PGPEP1: variants seen among roughly 807,000 people sequenced by gnomAD.
The protein encoded by PGPEP1 is pyroglutamyl-peptidase 1.
In PGPEP1, 15 loss-of-function variants were observed where a neutral mutation model predicts 24.1. The ratio of observed to expected loss-of-function variants is 0.62; its 90% CI spans 0.42 to 0.96. PGPEP1 has a LOEUF of 0.96. Among genes scored for constraint, PGPEP1 ranks in the 40% least tolerant of loss-of-function variants. PGPEP1 has a pLI of 0.00. For missense variants in PGPEP1, 242 were observed against 273.4 expected (o/e 0.89, Z 0.81); for synonymous variants, 122 against 116.4 (o/e 1.05, Z -0.31).
chr19:18,347,840 G>A (rs969492684), intron 2 of PGPEP1, among the ~76,000 whole-genome samples: 5 of 151,852 alleles, frequency 3.3e-5, no homozygotes, highest in East Asian at 1.9e-4. Flanking sequence ...CACCATATTG[G>A]TCAGGCTGGT....
At chr19:18,363,095 C>T (rs958918559) in intron 4 of PGPEP1, among the ~76,000 whole-genome samples, 14 of 148,776 alleles carry the variant, frequency 9.4e-5, no homozygotes, top group African/African-American at 3.5e-4. Context: ...CTCACTCTCT[C>T]ACCCAGGCTG....
At chr19:18,361,242 A>T (rs999842954) in intron 4 of PGPEP1, among the ~76,000 whole-genome samples, 2 of 151,730 alleles carry the variant, frequency 1.3e-5, no homozygotes, top group African/African-American at 4.8e-5. Context: ...GGTTCAAGTG[A>T]TTCTCCTGCC....
intron 4 of PGPEP1, chr19:18,361,803 T>C: frequency 1.0e-6 from 1 of 985,328 alleles, no homozygotes; most frequent in Non-Finnish European, 1.2e-6. Flanking sequence ...TTGTTTTGCT[T>C]TGCTTTTACG....
chr19:18,349,269 C>T (rs1276692240), intron 2 of PGPEP1, among the ~76,000 whole-genome samples: 3 of 152,118 alleles, frequency 2.0e-5, no homozygotes, highest in Non-Finnish European at 2.9e-5. Context: ...GCAACCTCCA[C>T]CTCCCGGGTT....
chr19:18,361,419 G>A (rs543219602), intron 4 of PGPEP1, among the ~76,000 whole-genome samples: 3 of 151,808 alleles, frequency 2.0e-5, no homozygotes, highest in South Asian at 2.1e-4. Context: ...GATTACAGGC[G>A]TGAGCCACCG....
intron 2 of PGPEP1, chr19:18,348,975 C>A: frequency 3.6e-6 from 1 of 275,818 alleles, no homozygotes; most frequent in Non-Finnish European, 5.5e-6. Context: ...ATTGCCCTGG[C>A]TGGTCTTGAA....
intron 2 of PGPEP1, among the ~76,000 whole-genome samples, chr19:18,345,334 A>C (rs940031951): frequency 2.6e-5 from 4 of 152,106 alleles, no homozygotes. Context: ...AGTTTAGGAC[A>C]CAAGATTCCC....
chr19:18,357,916 A>G (rs1395829264), intron 4 of PGPEP1: 1 of 416,882 alleles, frequency 2.4e-6, no homozygotes, highest in Non-Finnish European at 4.4e-6. Context: ...CAACCCAAGC[A>G]GTCAGTTTCT....
chr19:18,364,119 T>TCTTTCTTGCTTG lies in PGPEP1; in HGVS notation c.*543_*544insGCTTGCTTTCTT, dbSNP rs1555713616. On this transcript the variant is annotated 3_prime_UTR_variant, in exon 5 of 5. Transcript: ENST00000269919. ...TTCTTTCTTTCTTTCTTTCTTGCTT[T>TCTTTCTTGCTTG]CTTTCTTTCTTGCTTTCTTTCTTCT... 1 of 138,548 alleles carries TCTTTCTTGCTTG rather than the reference T, an allele frequency of 7.2e-6. No homozygotes were observed. The highest frequency in any genetic ancestry group is 3.0e-5 in the African/African-American group (1 of 33,558). The allele number at this position is 138,548 out of a possible 1,614,324, so 8.6% of individuals were successfully genotyped here. A position where few individuals can be genotyped will look rare whatever the true frequency, so the allele number is the denominator to read the frequency against.
chr19:18,361,215 G>A (rs1269190946), intron 4 of PGPEP1, among the ~76,000 whole-genome samples: 2 of 150,098 alleles, frequency 1.3e-5, no homozygotes, highest in Admixed American at 1.3e-4. Flanking sequence ...TCAGCTCACC[G>A]CAACCTCTGC....
At chr19:18,353,277 G>C (rs1353254541) in intron 2 of PGPEP1, among the ~76,000 whole-genome samples, 3 of 151,254 alleles carry the variant, frequency 2.0e-5, no homozygotes, top group Non-Finnish European at 4.4e-5. Flanking sequence ...TAGCGCAGTG[G>C]TGCAATCTTT....
intron 3 of PGPEP1, 56 bp downstream of exon 3, chr19:18,356,067 T>G: frequency 9.4e-7 from 1 of 1,059,256 alleles, no homozygotes; most frequent in Non-Finnish European, 1.5e-6. Context: ...TTGGCACCCT[T>G]CATGTGGAGG....
At position 18,369,278 on chromosome 19, in the gene PGPEP1, C is replaced by G. The variant is rs889488246; in HGVS notation, c.*5695C>G. 2 of 152,516 alleles carry G rather than the reference C, an allele frequency of 1.3e-5. No individual in the cohort carries two copies. Among genetic ancestry groups the G allele is most frequent in the Non-Finnish European group, 2.9e-5 (2 of 68,156 alleles). The allele number at this position is 152,516 out of a possible 1,614,324, so 9.4% of individuals were successfully genotyped here. A position where few individuals can be genotyped will look rare whatever the true frequency, so the allele number is the denominator to read the frequency against. ...CCAGTCCCACCCCAAACTGCTCCCC[C>G]TCCCCCAAATTCCCTTTCTCCTCCT... On this transcript the variant is annotated 3_prime_UTR_variant, in exon 5 of 5. Transcript: ENST00000269919.
chr19:18,363,589 G>A lies in PGPEP1; in HGVS notation c.*6G>A, dbSNP rs778626658. ...ACTATTGCCACAAACACTGAGGGAC[G>A]CTCAGGTCTCCTAAGACCTCATCCT... On this transcript the variant is annotated 3_prime_UTR_variant, in exon 5 of 5. Coordinates refer to ENST00000269919, the MANE Select transcript of PGPEP1 (RefSeq NM_017712.4). 1.7e-5 allele frequency: 27 copies of A among 1,608,716 alleles called. No individual in the cohort carries two copies. In the African/African-American group the frequency reaches 2.1e-4, roughly 13 times the overall value.
intron 2 of PGPEP1, among the ~76,000 whole-genome samples, chr19:18,347,270 C>CTTTTTTTTTTTTTTTTT (rs59936417): frequency 3.9e-4 from 37 of 94,414 alleles, no homozygotes; most frequent in Non-Finnish European, 5.3e-4. Context: ...TTCTTTCTTT[C>CTTTTTTTTTTTTTTTTT]TTTTTTTTTT....
rs577857203 is a variant in PGPEP1 at position 18,361,749 on chromosome 19, C to T, written c.438-1642C>T. The T allele has an allele frequency of 1.5e-5, 15 of 985,212 alleles. No individual in the cohort carries two copies. In the African/African-American group the frequency reaches 1.6e-4, roughly 10 times the overall value. 61.0% of individuals were successfully genotyped at this position (985,212 alleles called of 1,614,324 possible). On this transcript the variant is annotated intron_variant, in intron 4 of 4. Transcript: ENST00000269919. ...AAGCTCCTACTGACTGACACGTTTC[C>T]GTACATATATACATCACTTGGCCTG...
chr19:18,346,218 C>T (rs1453153519), intron 2 of PGPEP1, among the ~76,000 whole-genome samples: 2 of 152,096 alleles, frequency 1.3e-5, no homozygotes, highest in Admixed American at 6.6e-5. Context: ...CACACCTCTG[C>T]GAGAACCGCC....
chr19:18,346,510 GTCTC>G lies in PGPEP1; in HGVS notation c.87+3605_87+3608del, dbSNP rs991354682. Among the ~76,000 whole-genome samples the G allele has an allele frequency of 3.3e-5, 5 of 151,696 alleles. No individual in the cohort carries two copies. The East Asian group carries it at 5.8e-4, about 18-fold the overall frequency. ...GTCTCTCCCCTCTTGCTCCCTCTGG[GTCTC>G]TCTCTGTCTCTTTCCTTTCTTCTAT... On this transcript the variant is annotated intron_variant, in intron 2 of 4. Coordinates refer to ENST00000269919, the MANE Select transcript of PGPEP1 (RefSeq NM_017712.4).
intron 2 of PGPEP1, among the ~76,000 whole-genome samples, chr19:18,352,835 C>T (rs1270990443): frequency 2.0e-5 from 3 of 151,978 alleles, no homozygotes; most frequent in Non-Finnish European, 2.9e-5. Flanking sequence ...AGATTACAGG[C>T]GTGAGCCACC....
Sources: allele counts gnomAD v4.1 joint callset (sites outside exome capture counted in the v4.1 genomes callset), GRCh38; gene constraint gnomAD v4.1.1; transcripts MANE v1.5; gene names NCBI Gene and HGNC (gene_info 2026-07-23, HGNC 2026-07-21).